Variants in ANGPT4 observed in about 807,000 individuals in gnomAD.
The protein encoded by ANGPT4 is angiopoietin 4, also known as angiopoietin-4.
In ANGPT4, 50 loss-of-function variants were observed where a neutral mutation model predicts 53.0. The ratio of observed to expected loss-of-function variants is 0.94; its 90% confidence interval spans 0.75 to 1.20. ANGPT4 has a LOEUF of 1.20. ANGPT4 is among the 50% of genes most tolerant of loss of function. The pLI is 0.00. For synonymous variants in ANGPT4, 251 were observed against 259.7 expected (o/e 0.97, Z 0.32); for missense variants, 648 against 637.1 (o/e 1.02, Z -0.18).
intron 2 of ANGPT4, 142 bp downstream of exon 2, chr20:890,070 AG>A: frequency 1.0e-6 from 1 of 996,676 alleles, no homozygotes; most frequent in Non-Finnish European, 1.5e-6. Context: ...CAAGTTCATC[AG>A]GGAGGAGGGA....
chr20:878,171 G>T lies in ANGPT4; in HGVS notation c.1210C>A (p.Gln404Lys), dbSNP rs776294647. 1.3e-6 allele frequency: 2 copies of T among 1,597,726 alleles called. No homozygotes were observed. The highest frequency in any genetic ancestry group is 2.3e-5 in the East Asian group (1 of 44,400). The part of the protein sequence containing the change: ...YEHFHLGSEN[Q>K]LYRLSVVGYS... ...GGGCCCCGAACCCACCTGTATAGCT[G>T]GTTCTCACTGCCCAGGTGGAAATGT... is the stretch of plus-strand genomic sequence containing the variant. Residue 404 changes from glutamine to lysine, a missense_variant, in exon 7 of 9, where the codon CAG becomes AAG. Physicochemically the swap from Gln to Lys is moderately conservative, Grantham distance 53. Transcript: ENST00000381922.
intron 2 of ANGPT4, among the ~76,000 whole-genome samples, chr20:889,039 G>A (rs1296864776): frequency 6.6e-6 from 1 of 152,148 alleles, no homozygotes. Context: ...GAACCTGCCA[G>A]CACGTCCATC....
intron 1 of ANGPT4, among the ~76,000 whole-genome samples, chr20:898,037 T>C (rs1226846284): frequency 6.6e-6 from 1 of 152,174 alleles, no homozygotes; most frequent in Non-Finnish European, 1.5e-5. Context: ...CTTTCACACA[T>C]TGGTCCCTCC....
chr20:916,133 C>G lies in ANGPT4; in HGVS notation c.82G>C (p.Glu28Gln). ...AGTGTCTCGCAGCCCCTATCCGCCT[C>G]CTGCCTTGTCTGTTGAGCCACAGAC... Reference protein sequence around the residue: ...TMSVAQQTRQEADRGCETLVV... With the variant: ...TMSVAQQTRQQADRGCETLVV... Residue 28 changes from glutamate (E) to glutamine (Q), a missense_variant, in exon 1 of 9, where the codon GAG becomes CAG. Physicochemically the swap from Glu to Gln is conservative, Grantham distance 29. Transcript: ENST00000381922. The G allele has an allele frequency of 6.2e-7, 1 of 1,614,208 alleles. No homozygotes were observed. The highest frequency in any genetic ancestry group is 8.5e-7 in the Non-Finnish European group (1 of 1,180,016).
intron 1 of ANGPT4, among the ~76,000 whole-genome samples, chr20:909,380 G>A (rs1312333692): frequency 1.3e-5 from 2 of 152,132 alleles, no homozygotes; most frequent in African/African-American, 4.8e-5. Flanking sequence ...AGCAAACCCA[G>A]GCGATGTGTG....
chr20:891,149 C>G (rs1981830072), intron 1 of ANGPT4, among the ~76,000 whole-genome samples: 1 of 152,218 alleles, frequency 6.6e-6, no homozygotes, highest in African/African-American at 2.4e-5. Context: ...GGGGAAACAG[C>G]AAGGGTCAGA....
At chr20:876,239 A>G (rs1013003004) in intron 7 of ANGPT4, among the ~76,000 whole-genome samples, 5 of 151,736 alleles carry the variant, frequency 3.3e-5, no homozygotes, top group Non-Finnish European at 7.4e-5. Flanking sequence ...TTGTACCCTC[A>G]GGGCAGGGCC....
chr20:914,316 G>A lies in ANGPT4; in HGVS notation c.309+1590C>T, dbSNP rs1982832950. The stretch of plus-strand genomic sequence containing the variant: ...GGACAAAGGGTGGAAGAGGAAGGTG[G>A]TTATTTCGTACGGGGAGGACAAGGA... On this transcript the variant is annotated intron_variant, in intron 1 of 8. Transcript: ENST00000381922. This position sits in a 1 kb window ranked among gnomAD's most constrained non-coding sequence, Gnocchi z 5.0. Among the ~76,000 whole-genome samples the A allele has an allele frequency of 6.6e-6, 1 of 152,156 alleles. No individual in the cohort carries two copies. Among genetic ancestry groups the A allele is most frequent in the Non-Finnish European group, 1.5e-5 (1 of 68,026 alleles).
In ANGPT4 at chr20:874,548, G is replaced by A. The variant is rs1356332295; in HGVS notation, c.1221-134C>T. On this transcript the variant is annotated intron_variant, in intron 7 of 8. Coordinates refer to ENST00000381922, the MANE Select transcript of ANGPT4 (RefSeq NM_015985.4). ...AGGTGTTCTTGGAGGGACAGCCCCA[G>A]CCTGGGTGGAGTGCTTGGGCTGTTT... The A allele has an allele frequency of 6.3e-6, 8 of 1,274,488 alleles. No homozygotes were observed. The Admixed American group carries it at 7.5e-5, about 12-fold the overall frequency. The allele number at this position is 1,274,488 out of a possible 1,614,324, so 78.9% of individuals were successfully genotyped here.
chr20:892,957 G>A (rs6118118), intron 1 of ANGPT4, among the ~76,000 whole-genome samples: 6,266 of 152,134 alleles, frequency 0.041, 410 homozygotes, highest in African/African-American at 0.14. Context: ...GTTGCTGGAC[G>A]ACTTCCCCCC....
intron 1 of ANGPT4, among the ~76,000 whole-genome samples, chr20:901,586 G>A (rs1982290156): frequency 6.6e-6 from 1 of 152,078 alleles, no homozygotes; most frequent in Non-Finnish European, 1.5e-5. Context: ...CTCTTCACAC[G>A]GACGCACGTG....
chr20:878,065 C>A (rs1020166418), intron 7 of ANGPT4, 96 bp downstream of exon 7: 3 of 1,366,548 alleles, frequency 2.2e-6, no homozygotes, highest in Non-Finnish European at 3.0e-6. Flanking sequence ...AGAGACTGAC[C>A]GTTGGAGCAG....
Position 873,116 on chromosome 20 carries a change from C to T in ANGPT4, c.1356G>A (p.Trp452Ter). ...TTGACAGGCCACAGGCGTCAAACCACCACCCTGGTGGAAGAGGGAGGACAG... is the reference window on the plus strand; with the variant it reads ...TTGACAGGCCACAGGCGTCAAACCATCACCCTGGTGGAAGAGGGAGGACAG... ...CKCAQVMSGG[W>*]WFDACGLSNL... Residue 452 changes from tryptophan to a stop codon, truncating the protein, a stop_gained, in exon 9 of 9, where the codon TGG becomes TGA. Coordinates refer to ENST00000381922, the MANE Select transcript of ANGPT4 (RefSeq NM_015985.4). LOFTEE classifies it low-confidence loss of function (END_TRUNC). 6.2e-7 allele frequency: 1 copy of T among 1,613,606 alleles called. No individual in the cohort carries two copies. Among genetic ancestry groups the T allele is most frequent in the Non-Finnish European group, 8.5e-7 (1 of 1,179,904 alleles).
At chr20:878,087 A>T (rs1981239185) in intron 7 of ANGPT4, 74 bp downstream of exon 7, 1 of 1,492,546 alleles carries the variant, frequency 6.7e-7, no homozygotes, top group Non-Finnish European at 9.1e-7. Flanking sequence ...CTCTGTAGAC[A>T]CTAGCCTGGG....
intron 2 of ANGPT4, among the ~76,000 whole-genome samples, chr20:889,967 C>A (rs1435085313): frequency 6.6e-6 from 1 of 152,214 alleles, no homozygotes; most frequent in African/African-American, 2.4e-5. Context: ...CAGTGCCCAG[C>A]ACAGACCCAG....
intron 7 of ANGPT4, among the ~76,000 whole-genome samples, chr20:877,368 A>C (rs1407279197): frequency 6.6e-6 from 1 of 152,190 alleles, no homozygotes; most frequent in Non-Finnish European, 1.5e-5. Context: ...AAAGATCCTT[A>C]AATTTCTCTG....
chr20:880,571 G>C (rs775257667), intron 5 of ANGPT4, among the ~76,000 whole-genome samples: 1 of 151,134 alleles, frequency 6.6e-6, no homozygotes, highest in Non-Finnish European at 1.5e-5. Context: ...CTGGGCACCA[G>C]AGCAAGACCC....
chr20:894,985 A>C (rs528112375), intron 1 of ANGPT4, among the ~76,000 whole-genome samples: 2 of 152,216 alleles, frequency 1.3e-5, no homozygotes, highest in Non-Finnish European at 2.9e-5. Flanking sequence ...CCCATCACCC[A>C]GTTTGCCACA....
At chr20:879,018 G>T (rs927497639) in intron 6 of ANGPT4, among the ~76,000 whole-genome samples, 3 of 151,984 alleles carry the variant, frequency 2.0e-5, no homozygotes, top group Non-Finnish European at 4.4e-5. Context: ...TAATATTCAG[G>T]GTTCTTTTGT....
Sources: allele counts gnomAD v4.1 joint callset (sites outside exome capture counted in the v4.1 genomes callset), GRCh38; gene constraint gnomAD v4.1.1; non-coding constraint Gnocchi (gnomAD v3.1); transcripts MANE v1.5; gene names NCBI Gene and HGNC (gene_info 2026-07-23, HGNC 2026-07-21).